The following CCDC7 variants were observed in gnomAD, a reference collection of about 807,000 sequenced individuals.
The protein encoded by CCDC7 is coiled-coil domain-containing protein 7.
A neutral mutation model predicts 196.9 loss-of-function variants in CCDC7; 183 were observed. The ratio of observed to expected loss-of-function variants is 0.93; its 90% confidence interval spans 0.82 to 1.05. CCDC7 has a LOEUF of 1.05. Ranked by LOEUF, CCDC7 falls within the 50% of genes least tolerant of loss-of-function variation. The probability of loss-of-function intolerance (pLI) is 0.00; values close to 1 mark genes in which losing one functional copy is unlikely to be tolerated. For missense variants in CCDC7, 1,540 were observed against 1,482.2 expected, an observed-to-expected ratio of 1.04 and a Z score of -0.64; for synonymous variants, 525 against 484.6, an observed-to-expected ratio of 1.08 and a Z score of -1.10.
intron 20 of CCDC7, among the ~76,000 whole-genome samples, chr10:32,656,052 G>A (rs952830816): frequency 1.5e-5 from 2 of 131,850 alleles, no homozygotes; most frequent in Non-Finnish European, 3.1e-5. Flanking sequence ...GAACTGTTTA[G>A]TTTGATACAA....
At chr10:32,477,450 C>G (rs2039206729) in intron 8 of CCDC7, among the ~76,000 whole-genome samples, 2 of 152,164 alleles carry the variant, frequency 1.3e-5, no homozygotes, top group Admixed American at 1.3e-4. Flanking sequence ...ATCCGCCTGC[C>G]TCAGCCTCCC....
intron 20 of CCDC7, among the ~76,000 whole-genome samples, chr10:32,644,762 T>C (rs1181515633): frequency 1.3e-5 from 2 of 152,260 alleles, no homozygotes; most frequent in Non-Finnish European, 2.9e-5. Flanking sequence ...GCTGCCACCA[T>C]GTGAGACGTG....
At chr10:32,701,660 G>T (rs560017183) in intron 24 of CCDC7, among the ~76,000 whole-genome samples, 1 of 152,200 alleles carries the variant, frequency 6.6e-6, no homozygotes, top group Admixed American at 6.5e-5. Flanking sequence ...ACTTTTTTAG[G>T]TTGGTAGGCT....
chr10:32,771,713 C>T (rs2079189959), intron 28 of CCDC7, among the ~76,000 whole-genome samples: 1 of 152,170 alleles, frequency 6.6e-6, no homozygotes, highest in Admixed American at 6.5e-5. Context: ...TGTGAAAGTA[C>T]TTGGTTATTG....
chr10:32,719,122 C>G (rs2082034767), intron 25 of CCDC7, among the ~76,000 whole-genome samples: 1 of 152,162 alleles, frequency 6.6e-6, no homozygotes, highest in Non-Finnish European at 1.5e-5. Flanking sequence ...TGACTCCAAA[C>G]TATACTACAA....
At chr10:32,595,649 A>C (rs576463159) in intron 18 of CCDC7, among the ~76,000 whole-genome samples, 1 of 152,172 alleles carries the variant, frequency 6.6e-6, no homozygotes, top group Non-Finnish European at 1.5e-5. Flanking sequence ...TGTCCATTTT[A>C]GATCTCTGCT....
chr10:32,465,064 G>C (rs2036470245), intron 5 of CCDC7, among the ~76,000 whole-genome samples: 2 of 151,538 alleles, frequency 1.3e-5, no homozygotes, highest in Admixed American at 6.6e-5. Context: ...GTTTATAAGT[G>C]AGTAGGAGAA....
intron 9 of CCDC7, among the ~76,000 whole-genome samples, chr10:32,515,997 A>G (rs1028125826): frequency 3.3e-5 from 5 of 152,166 alleles, no homozygotes; most frequent in African/African-American, 1.2e-4. Flanking sequence ...AGTACAATCA[A>G]CAAAAGAAAA....
intron 20 of CCDC7, among the ~76,000 whole-genome samples, chr10:32,638,581 C>A (rs1220642501): frequency 6.6e-6 from 1 of 152,122 alleles, no homozygotes; most frequent in Non-Finnish European, 1.5e-5. Context: ...GGATGAAGTC[C>A]ACTTGATCAT....
At chr10:32,827,895 C>T (rs935582534) in intron 32 of CCDC7, among the ~76,000 whole-genome samples, 4 of 152,172 alleles carry the variant, frequency 2.6e-5, no homozygotes, top group Non-Finnish European at 5.9e-5. Flanking sequence ...AATGCAGCCA[C>T]GAAATCCCTT....
chr10:32,703,153 T>A (rs543858417), intron 24 of CCDC7, among the ~76,000 whole-genome samples: 1 of 151,784 alleles, frequency 6.6e-6, no homozygotes, highest in Non-Finnish European at 1.5e-5. Flanking sequence ...TGGCTGGTAC[T>A]GGTTGTTCCT....
chr10:32,719,150 C>G (rs896710251), intron 25 of CCDC7, among the ~76,000 whole-genome samples: 1 of 152,162 alleles, frequency 6.6e-6, no homozygotes. Context: ...GTAACCAAAA[C>G]AGCATGGTAC....
chr10:32,779,117 A>T, intron 29 of CCDC7, 33 bp downstream of exon 30: 1 of 1,399,384 alleles, frequency 7.1e-7, no homozygotes, highest in East Asian at 2.5e-5. Flanking sequence ...ATACAGTAGA[A>T]CACAATCTAA....
chr10:32,528,955 G>A (rs559551323), intron 11 of CCDC7, among the ~76,000 whole-genome samples: 107 of 151,888 alleles, frequency 7.0e-4, no homozygotes, highest in African/African-American at 2.2e-3. Context: ...ATACCCAGTC[G>A]TGGGATTGCT....
intron 4 of CCDC7, 114 bp from the exon 6 acceptor site, chr10:32,462,903 T>C (rs77999276): frequency 0.056 from 83,698 of 1,490,682 alleles, 2,584 homozygotes; most frequent in Non-Finnish European, 0.062. Context: ...AGGGCTGATA[T>C]TTGATGGATG....
chr10:32,800,174 T>C (rs2084478707), intron 29 of CCDC7, among the ~76,000 whole-genome samples: 1 of 152,214 alleles, frequency 6.6e-6, no homozygotes, highest in Non-Finnish European at 1.5e-5. Flanking sequence ...TGAACAGGGA[T>C]GTGGTGGGAA....
chr10:32,506,255 C>T (rs188996831), intron 9 of CCDC7, among the ~76,000 whole-genome samples: 267 of 138,124 alleles, frequency 1.9e-3, no homozygotes, highest in Middle Eastern at 0.01. Context: ...ACTTCCCAGA[C>T]GGGGCGGCCG....
chr10:32,868,025 C>A (rs1378189070), intron 41 of CCDC7, among the ~76,000 whole-genome samples: 2 of 151,874 alleles, frequency 1.3e-5, no homozygotes, highest in African/African-American at 2.4e-5. Context: ...CTATTTATTT[C>A]TTTGTGGCTG....
At chr10:32,829,397 A>T (rs1305847100) in intron 32 of CCDC7, among the ~76,000 whole-genome samples, 1 of 152,254 alleles carries the variant, frequency 6.6e-6, no homozygotes, top group Non-Finnish European at 1.5e-5. Flanking sequence ...TGTAATTGTC[A>T]TGAGTATTTC....
Sources: gnomAD v4.1 joint callset for allele counts (sites outside exome capture counted in the v4.1 genomes callset) on GRCh38, gnomAD v4.1.1 for gene constraint, MANE v1.5 for transcripts, NCBI Gene and HGNC (gene_info 2026-07-23, HGNC 2026-07-21) for gene names.